Variants in CFAP61 observed in about 807,000 individuals in gnomAD.
The protein encoded by CFAP61 is cilia- and flagella-associated protein 61.
Under a neutral mutation model 135.6 loss-of-function variants are expected in CFAP61, and 107 were observed. That is an observed-to-expected ratio of 0.79 (90% CI 0.67 to 0.93). CFAP61 has a LOEUF of 0.93. CFAP61 is among the 40% of genes least tolerant of loss of function. The pLI, the probability that CFAP61 is intolerant of heterozygous loss-of-function variation, is 0.00. For missense variants in CFAP61, 1,507 were observed against 1,556.2 expected (o/e 0.97, Z 0.53); for synonymous variants, 575 against 578.5 (o/e 0.99, Z 0.09).
intron 9 of CFAP61, among the ~76,000 whole-genome samples, chr20:20,150,054 A>G (rs2052265561): frequency 6.6e-6 from 1 of 152,180 alleles, no homozygotes; most frequent in Non-Finnish European, 1.5e-5. Flanking sequence ...GGCAAGAGCG[A>G]GACTGGCCTC....
intron 17 of CFAP61, among the ~76,000 whole-genome samples, chr20:20,217,581 T>C (rs2048122271): frequency 6.6e-6 from 1 of 152,242 alleles, no homozygotes; most frequent in Non-Finnish European, 1.5e-5. Context: ...CTGCCACTGC[T>C]ATCGTTGTTC....
At chr20:20,116,512 A>G (rs1200550376) in intron 8 of CFAP61, among the ~76,000 whole-genome samples, 1 of 152,154 alleles carries the variant, frequency 6.6e-6, no homozygotes, top group Non-Finnish European at 1.5e-5. Flanking sequence ...TGTCCAGACC[A>G]ATGTCCTGGA....
intron 13 of CFAP61, chr20:20,172,115 A>G: frequency 2.5e-6 from 2 of 788,628 alleles, no homozygotes; most frequent in South Asian, 6.0e-5. Context: ...TGATTCCTTA[A>G]TTAAAAAGAA....
chr20:20,171,674 C>T, intron 13 of CFAP61: 1 of 473,718 alleles, frequency 2.1e-6, no homozygotes, highest in Non-Finnish European at 3.8e-6. Context: ...TTATGTAATG[C>T]ATTAACAAAG....
intron 13 of CFAP61, chr20:20,172,155 A>T (rs577996687): frequency 1.2e-6 from 1 of 862,116 alleles, no homozygotes; most frequent in East Asian, 8.8e-5. Context: ...GGAACATTAT[A>T]TCTAGTTTTT....
In CFAP61 at chr20:20,129,598, C is replaced by G. The variant is rs189055151; in HGVS notation, c.860-13259C>G. Among the ~76,000 whole-genome samples, 391 of 149,392 alleles carry G rather than the reference C, an allele frequency of 2.6e-3. 3 individuals are homozygous for G. The highest frequency in any genetic ancestry group is 2.5e-3 in the Non-Finnish European group (171 of 67,688). Reference sequence around the variant, plus strand: ...TCTTCCTGTACCTGGATATTTATCTCTTTCTCAAATTTTGGAAAGTTTTTT... The same window carrying G: ...TCTTCCTGTACCTGGATATTTATCTGTTTCTCAAATTTTGGAAAGTTTTTT... On this transcript the variant is annotated intron_variant, in intron 8 of 26. Transcript: ENST00000245957.
At chr20:20,055,859 T>C in intron 1 of CFAP61, 1 of 1,031,666 alleles carries the variant, frequency 9.7e-7, no homozygotes, top group Admixed American at 2.0e-5. Context: ...TGGCTTTCCC[T>C]ATGAAGGAAA....
intron 26 of CFAP61, among the ~76,000 whole-genome samples, chr20:20,358,889 T>A (rs1349755187): frequency 6.6e-6 from 1 of 152,190 alleles, no homozygotes; most frequent in African/African-American, 2.4e-5. Context: ...GAAGTTGAAA[T>A]AAATGTACCA....
chr20:20,120,803 G>A (rs528357216), intron 8 of CFAP61, among the ~76,000 whole-genome samples: 24 of 152,010 alleles, frequency 1.6e-4, no homozygotes, highest in South Asian at 2.1e-4. Context: ...TTGTATACTC[G>A]AATACTCTAG....
intron 16 of CFAP61, among the ~76,000 whole-genome samples, chr20:20,199,299 G>A (rs1368225144): frequency 1.3e-5 from 2 of 152,068 alleles, no homozygotes; most frequent in Non-Finnish European, 2.9e-5. Context: ...CACTGTGAGT[G>A]ACTTACAAAC....
At chr20:20,153,156 A>T (rs1363030267) in intron 9 of CFAP61, among the ~76,000 whole-genome samples, 1 of 152,182 alleles carries the variant, frequency 6.6e-6, no homozygotes, top group Admixed American at 6.5e-5. Flanking sequence ...ATGGAAATAA[A>T]AAATTATTTG....
chr20:20,292,933 A>G (rs550399325), intron 24 of CFAP61, among the ~76,000 whole-genome samples: 3 of 148,582 alleles, frequency 2.0e-5, no homozygotes, highest in African/African-American at 7.3e-5. Context: ...TAGAGAATCC[A>G]TCTCTCAAGG....
chr20:20,359,984 G>A lies in CFAP61; in HGVS notation c.3514-226G>A, dbSNP rs980990267. Among the ~76,000 whole-genome samples the A allele has an allele frequency of 6.6e-6, 1 of 152,190 alleles. No individual in the cohort carries two copies. Among genetic ancestry groups the A allele is most frequent in the Non-Finnish European group, 1.5e-5 (1 of 68,044 alleles). ...GATGGACAGTGGTGAGGGTTACACAGCAATGTGAATGTACTTCATGCCACT... is the reference window on the plus strand; with the variant it reads ...GATGGACAGTGGTGAGGGTTACACAACAATGTGAATGTACTTCATGCCACT... On this transcript the variant is annotated intron_variant, in intron 26 of 26. Coordinates refer to ENST00000245957, the MANE Select transcript of CFAP61 (RefSeq NM_015585.4). The surrounding 1 kb of genome is among the most constrained non-coding windows in gnomAD (Gnocchi z 4.0).
At chr20:20,139,554 G>A (rs1568987321) in intron 8 of CFAP61, among the ~76,000 whole-genome samples, 1 of 152,162 alleles carries the variant, frequency 6.6e-6, no homozygotes, top group Non-Finnish European at 1.5e-5. Context: ...GCTTTCCCCA[G>A]GATAGCACCT....
At chr20:20,157,166 A>G (rs960767118) in intron 9 of CFAP61, among the ~76,000 whole-genome samples, 4 of 152,096 alleles carry the variant, frequency 2.6e-5, no homozygotes, top group African/African-American at 9.7e-5. Context: ...TCCGCCTCCC[A>G]GGTTCAAGTG....
chr20:20,136,369 A>G (rs2050924713), intron 8 of CFAP61, among the ~76,000 whole-genome samples: 1 of 152,080 alleles, frequency 6.6e-6, no homozygotes, highest in African/African-American at 2.4e-5. Context: ...AATAACTCTT[A>G]GATTTTTCCC....
chr20:20,237,661 C>T (rs751582257), intron 18 of CFAP61, among the ~76,000 whole-genome samples: 19 of 152,210 alleles, frequency 1.2e-4, no homozygotes, highest in Non-Finnish European at 1.9e-4. Context: ...TATTAACACA[C>T]TCGAACAAAT....
At chr20:20,355,142 ATT>A in intron 26 of CFAP61, among the ~76,000 whole-genome samples, 1 of 142,888 alleles carries the variant, frequency 7.0e-6, no homozygotes, top group Non-Finnish European at 1.5e-5. Flanking sequence ...AGGTGGTCAC[ATT>A]GTGAGAGGGA....
intron 3 of CFAP61, 56 bp downstream of exon 3, chr20:20,071,060 T>C (rs542819991): frequency 8.1e-5 from 127 of 1,558,444 alleles, no homozygotes; most frequent in Admixed American, 3.3e-4. Context: ...GGGGAAGTCC[T>C]GTGTTTGTGA....
Sources: allele counts gnomAD v4.1 joint callset (sites outside exome capture counted in the v4.1 genomes callset), GRCh38; gene constraint gnomAD v4.1.1; non-coding constraint Gnocchi (gnomAD v3.1); transcripts MANE v1.5; gene names NCBI Gene and HGNC (gene_info 2026-07-23, HGNC 2026-07-21).